Variants in ITGBL1 observed in about 807,000 individuals in gnomAD.
ITGBL1 encodes the protein integrin subunit beta like 1, also known as integrin beta-like protein 1.
Under a neutral mutation model 68.5 loss-of-function variants are expected in ITGBL1, and 51 were observed. That is an observed-to-expected ratio of 0.74 (90% CI 0.59 to 0.94). ITGBL1 has a LOEUF of 0.94. Ranked by LOEUF, ITGBL1 falls within the 40% of genes least tolerant of loss-of-function variation. The pLI is 0.00. For synonymous variants in ITGBL1, 209 were observed against 227.3 expected, an observed-to-expected ratio of 0.92 and a Z score of 0.72; for missense variants, 649 against 647.4, an observed-to-expected ratio of 1.00 and a Z score of -0.03.
intron 9 of ITGBL1, chr13:101,713,106 G>A (rs566844314): frequency 9.1e-4 from 138 of 152,310 alleles, no homozygotes; most frequent in African/African-American, 3.0e-3. Flanking sequence ...CTCTTACTTT[G>A]AGAAGTGTGT....
intron 2 of ITGBL1, among the ~76,000 whole-genome samples, chr13:101,459,704 C>T (rs1017845707): frequency 6.6e-6 from 1 of 151,996 alleles, no homozygotes. Flanking sequence ...CATGCCACCG[C>T]ACTGCAGCCT....
At chr13:101,493,361 A>G (rs550912314) in intron 2 of ITGBL1, among the ~76,000 whole-genome samples, 1 of 152,130 alleles carries the variant, frequency 6.6e-6, no homozygotes, top group East Asian at 1.9e-4. Context: ...AAAAAAAGCT[A>G]TTTCGATTAC....
At chr13:101,514,454 TA>T (rs35724289) in intron 2 of ITGBL1, among the ~76,000 whole-genome samples, 3,117 of 152,202 alleles carry the variant, frequency 0.02, 112 homozygotes, top group African/African-American at 0.071. Context: ...AAATTATTAT[TA>T]TTTTTTTTGG....
intron 2 of ITGBL1, among the ~76,000 whole-genome samples, chr13:101,482,820 G>C (rs1172418727): frequency 6.6e-6 from 1 of 152,100 alleles, no homozygotes; most frequent in Non-Finnish European, 1.5e-5. Context: ...CCACTTAACT[G>C]AAGTAGTTAG....
downstream of ITGBL1, chr13:101,720,293 C>T (rs1004060195): frequency 3.3e-5 from 5 of 152,014 alleles, no homozygotes; most frequent in East Asian, 7.7e-4. Context: ...AACAAGGACC[C>T]CTCTGCAATA....
intron 2 of ITGBL1, among the ~76,000 whole-genome samples, chr13:101,514,792 G>T (rs1379190755): frequency 1.3e-5 from 2 of 152,066 alleles, no homozygotes; most frequent in African/African-American, 4.8e-5. Context: ...TGTGGTATGT[G>T]TGTACCCTCA....
intron 7 of ITGBL1, among the ~76,000 whole-genome samples, chr13:101,609,150 C>A (rs187924387): frequency 6.6e-6 from 1 of 152,146 alleles, no homozygotes; most frequent in Non-Finnish European, 1.5e-5. Context: ...CATTTGCTTT[C>A]TTTATACTCA....
Position 101,603,362 on chromosome 13 carries a change from G to A in ITGBL1, c.1015+5063G>A, listed in dbSNP as rs75524590. Among the ~76,000 whole-genome samples, 848 of 152,094 alleles carry A rather than the reference G, an allele frequency of 5.6e-3. 11 individuals carry two copies. Among genetic ancestry groups the A allele is most frequent in the African/African-American group, 0.019 (798 of 41,526 alleles). On this transcript the variant is annotated intron_variant, in intron 7 of 10. Transcript: ENST00000376180. ...TATTTTCCCCTAAGGGTTGTAAGTA[G>A]AAGAGTGGAGGAGTAGGATATGGGT...
intron 7 of ITGBL1, among the ~76,000 whole-genome samples, chr13:101,633,388 A>G (rs1296751078): frequency 6.6e-6 from 1 of 152,180 alleles, no homozygotes; most frequent in Non-Finnish European, 1.5e-5. Context: ...ACAATTTCAA[A>G]AAGTGTATGA....
intron 2 of ITGBL1, among the ~76,000 whole-genome samples, chr13:101,482,210 T>C (rs1450116390): frequency 6.6e-6 from 1 of 152,210 alleles, no homozygotes; most frequent in Non-Finnish European, 1.5e-5. Flanking sequence ...TAGGTATCTG[T>C]CTAGGGCACT....
At chr13:101,673,898 C>T (rs534983039) in intron 7 of ITGBL1, among the ~76,000 whole-genome samples, 4 of 152,280 alleles carry the variant, frequency 2.6e-5, no homozygotes, top group Admixed American at 1.3e-4. Flanking sequence ...TTCCCTCTGA[C>T]ATGGGATCAG....
intron 7 of ITGBL1, among the ~76,000 whole-genome samples, chr13:101,634,161 A>G (rs2032086552): frequency 6.6e-6 from 1 of 152,320 alleles, no homozygotes; most frequent in East Asian, 1.9e-4. Flanking sequence ...TCAATCGAAT[A>G]TATTTTTAAG....
intron 6 of ITGBL1, among the ~76,000 whole-genome samples, chr13:101,597,794 T>C (rs2139323939): frequency 6.6e-6 from 1 of 152,174 alleles, no homozygotes; most frequent in Non-Finnish European, 1.5e-5. Flanking sequence ...CCTCGTGATC[T>C]TCCCTCCTCG....
At chr13:101,628,938 C>T (rs2031885281) in intron 7 of ITGBL1, among the ~76,000 whole-genome samples, 1 of 152,036 alleles carries the variant, frequency 6.6e-6, no homozygotes, top group South Asian at 2.1e-4. Flanking sequence ...TAGTAATCAA[C>T]TTCTCATCTG....
chr13:101,645,035 A>G (rs938959093), intron 7 of ITGBL1, among the ~76,000 whole-genome samples: 1 of 152,214 alleles, frequency 6.6e-6, no homozygotes, highest in African/African-American at 2.4e-5. Context: ...ACTCAATAAC[A>G]GACACACCCC....
At chr13:101,500,129 C>A (rs900199822) in intron 2 of ITGBL1, among the ~76,000 whole-genome samples, 25 of 152,178 alleles carry the variant, frequency 1.6e-4, no homozygotes, top group Non-Finnish European at 2.5e-4. Flanking sequence ...GACAGTAAAT[C>A]CAGAATACAC....
chr13:101,454,130 G>A (rs373184719), intron 2 of ITGBL1, 30 bp downstream of exon 2: 3 of 1,475,110 alleles, frequency 2.0e-6, no homozygotes, highest in South Asian at 1.4e-5. Flanking sequence ...TCCTCCCTCG[G>A]GAGGTCGAAA....
intron 2 of ITGBL1, among the ~76,000 whole-genome samples, chr13:101,552,876 C>G (rs1322380010): frequency 6.6e-6 from 1 of 152,080 alleles, no homozygotes; most frequent in East Asian, 1.9e-4. Context: ...TTGTGTTAGC[C>G]ATTTCACAAA....
intron 7 of ITGBL1, among the ~76,000 whole-genome samples, chr13:101,613,646 A>C (rs907126569): frequency 2.0e-5 from 3 of 152,116 alleles, no homozygotes; most frequent in African/African-American, 7.2e-5. Flanking sequence ...GACTCAAGGG[A>C]TAAAGTTTTC....
Sources: allele counts gnomAD v4.1 joint callset (sites outside exome capture counted in the v4.1 genomes callset), GRCh38; gene constraint gnomAD v4.1.1; transcripts MANE v1.5; gene names NCBI Gene and HGNC (gene_info 2026-07-23, HGNC 2026-07-21).